The following PDE10A variants were observed in gnomAD, a reference collection of about 807,000 sequenced individuals.
PDE10A encodes the protein phosphodiesterase 10A.
In PDE10A, 39 loss-of-function variants were observed where a neutral mutation model predicts 97.7. The ratio of observed to expected loss-of-function variants is 0.40; its 90% confidence interval spans 0.31 to 0.52. PDE10A has a LOEUF of 0.52. Among genes scored for constraint, PDE10A ranks in the 20% least tolerant of loss-of-function variants. PDE10A has a pLI of 0.56. For missense variants in PDE10A, 731 were observed against 1,047.8 expected (o/e 0.70, Z 4.17); for synonymous variants, 371 against 376.8 (o/e 0.98, Z 0.18).
chr6:165,543,336 ATT>A, intron 2 of PDE10A, 102 bp downstream of exon 2: 1 of 832,618 alleles, frequency 1.2e-6, no homozygotes, highest in Non-Finnish European at 1.8e-6. Flanking sequence ...CAGTGTTAAT[ATT>A]TGTCTACTTT....
intron 2 of PDE10A, among the ~76,000 whole-genome samples, chr6:165,483,728 G>A (rs1413056526): frequency 5.9e-5 from 9 of 152,124 alleles, no homozygotes; most frequent in Admixed American, 1.3e-4. Flanking sequence ...TATCAAGACC[G>A]CATAGAGTCA....
At chr6:165,646,806 A>C (rs1173730821) in intron 1 of PDE10A, among the ~76,000 whole-genome samples, 9 of 152,234 alleles carry the variant, frequency 5.9e-5, no homozygotes, top group Admixed American at 5.9e-4. Flanking sequence ...ATGAAATATG[A>C]CCTACTGAGA....
rs377450574 is a variant in PDE10A, at chr6:165,451,053, G to T, written c.1024-691C>A. On this transcript the variant is annotated intron_variant, in intron 3 of 21. Transcript: ENST00000539869. ...GATGCTAGGAAAGTCTGCTGCAGTC[G>T]CTGCACTGGGTGAAACAAGTGCCCT... 2.0e-5 allele frequency among the ~76,000 whole-genome samples: 3 copies of T among 152,144 alleles called. No homozygotes were observed. The East Asian group carries it at 5.8e-4, about 29-fold the overall frequency.
At chr6:165,555,912 G>T (rs1355078351) in intron 1 of PDE10A, among the ~76,000 whole-genome samples, 1 of 152,116 alleles carries the variant, frequency 6.6e-6, no homozygotes, top group Non-Finnish European at 1.5e-5. Flanking sequence ...ACAGAGGTTT[G>T]AATTGCACTG....
In PDE10A at chr6:165,575,560, T is replaced by C. The variant is rs77061439; in HGVS notation, c.866-31992A>G. On this transcript the variant is annotated intron_variant, in intron 1 of 21. Transcript: ENST00000539869. ...ATGTCTCATGTCTTCAAACTCTCCT[T>C]GCCCCTTTTAATGTAAAGATTTCTA... is the stretch of plus-strand genomic sequence containing the variant. Among the ~76,000 whole-genome samples, 1,422 of 152,270 alleles carry C rather than the reference T, an allele frequency of 9.3e-3. 21 individuals are homozygous for C. The highest frequency in any genetic ancestry group is 0.033 in the African/African-American group (1,355 of 41,538).
intron 1 of PDE10A, among the ~76,000 whole-genome samples, chr6:165,880,374 G>T (rs1019181657): frequency 2.0e-5 from 3 of 152,220 alleles, no homozygotes; most frequent in Admixed American, 2.0e-4. Context: ...ATTGGATCCA[G>T]ACTGATAGAG....
intron 1 of PDE10A, among the ~76,000 whole-genome samples, chr6:165,777,233 G>T (rs1778211797): frequency 6.6e-6 from 1 of 152,156 alleles, no homozygotes; most frequent in African/African-American, 2.4e-5. Flanking sequence ...TGGATTTGAA[G>T]TTGCATTTGG....
At chr6:165,747,525 G>C (rs1375280489) in intron 1 of PDE10A, among the ~76,000 whole-genome samples, 1 of 152,112 alleles carries the variant, frequency 6.6e-6, no homozygotes, top group African/African-American at 2.4e-5. Context: ...TAGTGGAGGA[G>C]CTGATATTTG....
intron 18 of PDE10A, among the ~76,000 whole-genome samples, chr6:165,349,223 T>C (rs991581104): frequency 6.6e-6 from 1 of 152,126 alleles, no homozygotes; most frequent in African/African-American, 2.4e-5. Flanking sequence ...CAGGAAGAAG[T>C]GGGAAGGTTT....
chr6:165,688,680 G>A (rs1791190094), intron 1 of PDE10A, among the ~76,000 whole-genome samples: 1 of 152,246 alleles, frequency 6.6e-6, no homozygotes, highest in East Asian at 1.9e-4. Flanking sequence ...GCAAGGGGAA[G>A]AACAGTGACT....
chr6:165,714,394 C>A (rs186005786), intron 1 of PDE10A, among the ~76,000 whole-genome samples: 1 of 152,242 alleles, frequency 6.6e-6, no homozygotes, highest in Admixed American at 6.5e-5. Flanking sequence ...ATCATGTACA[C>A]TCTGTCACAT....
At position 165,661,801 on chromosome 6, in the gene PDE10A, T is replaced by C; in HGVS notation, c.865+146A>G. 1 of 494,542 alleles carries C rather than the reference T, an allele frequency of 2.0e-6. No homozygotes were observed. The highest frequency in any genetic ancestry group is 3.8e-5 in the East Asian group (1 of 26,034). The allele number at this position is 494,542 out of a possible 1,614,324, so 30.6% of individuals were successfully genotyped here. A position where few individuals can be genotyped will look rare whatever the true frequency, so the allele number is the denominator to read the frequency against. ...CGCCAGGGGCACCGGCTCCTGCCCCTCCAGAGAAGCCCCCTGGGCGCTCCA... is the reference window on the plus strand; with the variant it reads ...CGCCAGGGGCACCGGCTCCTGCCCCCCCAGAGAAGCCCCCTGGGCGCTCCA... On this transcript the variant is annotated intron_variant, in intron 1 of 21. Coordinates refer to ENST00000539869, the MANE Select transcript of PDE10A (RefSeq NM_001385079.1). The surrounding 1 kb of genome is among the most constrained non-coding windows in gnomAD (Gnocchi z 4.8).
intron 1 of PDE10A, among the ~76,000 whole-genome samples, chr6:165,553,428 A>G (rs777108772): frequency 3.9e-5 from 6 of 152,230 alleles, no homozygotes; most frequent in Non-Finnish European, 7.3e-5. Flanking sequence ...AAGGAAAAAC[A>G]GGAAGCAAAC....
At chr6:165,465,822 C>T (rs1778611044) in intron 3 of PDE10A, among the ~76,000 whole-genome samples, 1 of 152,142 alleles carries the variant, frequency 6.6e-6, no homozygotes, top group Non-Finnish European at 1.5e-5. Context: ...TATTACAATT[C>T]AAGGTGAGAT....
At chr6:165,649,078 C>T (rs1456386020) in intron 1 of PDE10A, among the ~76,000 whole-genome samples, 2 of 152,162 alleles carry the variant, frequency 1.3e-5, no homozygotes, top group Admixed American at 1.3e-4. Context: ...ACTGACAGGC[C>T]CGTACCTTTC....
intron 1 of PDE10A, among the ~76,000 whole-genome samples, chr6:165,804,798 G>C (rs1226231125): frequency 6.6e-6 from 1 of 151,676 alleles, no homozygotes; most frequent in Non-Finnish European, 1.5e-5. Flanking sequence ...CCCCGGGGCC[G>C]GGCCGCGGGC....
intron 1 of PDE10A, among the ~76,000 whole-genome samples, chr6:165,654,123 T>C (rs1460815693): frequency 6.6e-6 from 1 of 152,236 alleles, no homozygotes; most frequent in Non-Finnish European, 1.5e-5. Flanking sequence ...GTATATTTTT[T>C]AAATGCAGAG....
At chr6:165,904,753 G>A (rs570060432) in intron 1 of PDE10A, among the ~76,000 whole-genome samples, 2 of 152,236 alleles carry the variant, frequency 1.3e-5, no homozygotes, top group South Asian at 4.2e-4. Flanking sequence ...TACTGTTTTT[G>A]TGTTCGCTTA....
intron 1 of PDE10A, among the ~76,000 whole-genome samples, chr6:165,576,680 C>T (rs377692909): frequency 3.3e-5 from 5 of 152,260 alleles, no homozygotes; most frequent in African/African-American, 7.2e-5. Context: ...TGAAATCATC[C>T]TCCTCTTAAA....
Sources: gnomAD v4.1 joint callset for allele counts (sites outside exome capture counted in the v4.1 genomes callset) on GRCh38, gnomAD v4.1.1 for gene constraint, Gnocchi (gnomAD v3.1) non-coding constraint, MANE v1.5 for transcripts, NCBI Gene and HGNC (gene_info 2026-07-23, HGNC 2026-07-21) for gene names.